MOV10: variants seen among roughly 807,000 people sequenced by gnomAD.
MOV10 encodes the protein Mov10 RNA helicase.
A neutral mutation model predicts 108.4 loss-of-function variants in MOV10; 39 were observed. The observed-to-expected ratio is 0.36, with a 90% confidence interval of 0.28 to 0.47. The LOEUF (loss-of-function observed/expected upper bound fraction) is 0.47, where lower values mean the gene tolerates loss of function less well. Among genes scored for constraint, MOV10 ranks in the 20% least tolerant of loss-of-function variants. The probability of loss-of-function intolerance (pLI) is 1.00; values close to 1 mark genes in which losing one functional copy is unlikely to be tolerated. For synonymous variants in MOV10, 490 were observed against 523.1 expected (o/e 0.94, Z 0.86); for missense variants, 952 against 1,297.6 (o/e 0.73, Z 4.09).
intron 7 of MOV10, 60 bp from the exon 8 acceptor site, chr1:112,693,958 G>T: frequency 1.3e-6 from 2 of 1,561,786 alleles, no homozygotes; most frequent in Non-Finnish European, 1.8e-6. Context: ...GGAACCTGGG[G>T]GCTGGGCCCT....
At chr1:112,691,217 G>A (rs2101362231) in intron 5 of MOV10, among the ~76,000 whole-genome samples, 1 of 152,270 alleles carries the variant, frequency 6.6e-6, no homozygotes, top group South Asian at 2.1e-4. Context: ...CCTGGGAGGC[G>A]GTGGTTGCAG....
chr1:112,677,505 C>A (rs758475517), intron 2 of MOV10, among the ~76,000 whole-genome samples: 8 of 151,996 alleles, frequency 5.3e-5, no homozygotes, highest in Non-Finnish European at 1.2e-4. Flanking sequence ...ATTCTTTATA[C>A]CTTGGGTATA....
chr1:112,687,123 C>A (rs532311292), intron 2 of MOV10: 120 of 437,694 alleles, frequency 2.7e-4, no homozygotes, highest in African/African-American at 2.1e-3. Context: ...TGTTACTACT[C>A]CTACTACTAC....
intron 2 of MOV10, among the ~76,000 whole-genome samples, chr1:112,687,799 G>A (rs1312287848): frequency 2.6e-5 from 4 of 152,108 alleles, no homozygotes; most frequent in Admixed American, 6.5e-5. Context: ...ACCCTACGAG[G>A]TAAGTCTCGC....
chr1:112,680,707 CTT>C lies in MOV10; in HGVS notation c.137+5676_137+5677del, dbSNP rs1258934658. Among the ~76,000 whole-genome samples, 35 of 107,132 alleles carry C rather than the reference CTT, an allele frequency of 3.3e-4. 1 individual carries two copies. The highest frequency in any genetic ancestry group is 9.3e-4 in the African/African-American group (28 of 30,128). The allele number at this position is 107,132 out of a possible 152,430, so 70.3% of individuals were successfully genotyped here. A position where few individuals can be genotyped will look rare whatever the true frequency, so the allele number is the denominator to read the frequency against. The stretch of plus-strand genomic sequence containing the variant: ...TTGGTGATCACCTTTTCATTTATCT[CTT>C]TTTTTTTTTTTTTTTTTAAATCTCT... On this transcript the variant is annotated intron_variant, in intron 2 of 20. Transcript: ENST00000369645.
intron 19 of MOV10, 101 bp downstream of exon 19, chr1:112,700,083 G>T: frequency 1.3e-6 from 2 of 1,584,726 alleles, no homozygotes; most frequent in Non-Finnish European, 1.7e-6. Context: ...TTAATCCTCA[G>T]ATGTGTCCAT....
intron 2 of MOV10, among the ~76,000 whole-genome samples, chr1:112,678,772 T>C (rs1162115513): frequency 6.6e-6 from 1 of 152,008 alleles, no homozygotes; most frequent in East Asian, 1.9e-4. Context: ...TTAATCTTAA[T>C]GGAAATAGGA....
At chr1:112,695,106 A>G (rs1673946774) in intron 10 of MOV10, among the ~76,000 whole-genome samples, 1 of 152,080 alleles carries the variant, frequency 6.6e-6, no homozygotes, top group Non-Finnish European at 1.5e-5. Flanking sequence ...CAGCCTGGAC[A>G]ATATTGCAAG....
chr1:112,695,410 T>C lies in MOV10; in HGVS notation c.1621-6T>C, dbSNP rs1673978646. On this transcript the variant is annotated splice_polypyrimidine_tract_variant and splice_region_variant and intron_variant, in intron 10 of 20. Coordinates refer to ENST00000369645, the MANE Select transcript of MOV10 (RefSeq NM_001321324.2). Reference sequence around the variant, plus strand: ...GCCTCCCACACTGCGCTTATCTGCATCTCAGGTGGTGAAGCACTTGCCCAA... The same window carrying C: ...GCCTCCCACACTGCGCTTATCTGCACCTCAGGTGGTGAAGCACTTGCCCAA... 2.5e-6 allele frequency: 4 copies of C among 1,613,848 alleles called. No homozygotes were observed. The highest frequency in any genetic ancestry group is 2.5e-6 in the Non-Finnish European group (3 of 1,179,826).
At chr1:112,696,926 T>G in intron 14 of MOV10, 80 bp downstream of exon 14, 1 of 1,203,622 alleles carries the variant, frequency 8.3e-7, no homozygotes, top group East Asian at 2.6e-5. Flanking sequence ...GAGTCTGGCT[T>G]GCTGTCAGTC....
At position 112,696,726 on chromosome 1, in the gene MOV10, C is replaced by T; in HGVS notation, c.2078C>T (p.Thr693Ile). ...QLGPVLRSPL[T>I]QKHGLGYSLL... The stretch of plus-strand genomic sequence containing the variant: ...GGGCCTGTGCTGCGTTCCCCACTGA[C>T]CCAGAAGCATGGACTGGGATACTCA... Residue 693 changes from threonine (T) to isoleucine (I), a missense_variant, in exon 14 of 21, where the codon ACC becomes ATC. Transcript: ENST00000369645. 2 of 1,606,888 alleles carry T rather than the reference C, an allele frequency of 1.2e-6. No homozygotes were observed. The highest frequency in any genetic ancestry group is 1.7e-6 in the Non-Finnish European group (2 of 1,176,706).
In MOV10 at chr1:112,691,666, G is replaced by A. The variant is rs374084556; in HGVS notation, c.838G>A (p.Ala280Thr). 9.3e-6 allele frequency: 15 copies of A among 1,613,788 alleles called. No homozygotes were observed. Among genetic ancestry groups the A allele is most frequent in the African/African-American group, 5.3e-5 (4 of 74,888 alleles). ...RIEEGERPDR[A>T]KGYDLELSMA... Reference sequence around the variant, plus strand: ...TGTTTTCTTCCCTCGATTCTGCAGCGCTAAGGGCTATGACCTGGAGTTAAG... The same window carrying A: ...TGTTTTCTTCCCTCGATTCTGCAGCACTAAGGGCTATGACCTGGAGTTAAG... The change falls in exon 6 of 21, where the codon GCT becomes ACT. Residue 280 changes from alanine (A) to threonine (T), a missense_variant and splice_region_variant. Ala to Thr is a moderately conservative substitution (Grantham distance 58). This residue lies in a region of MOV10 where 374 missense variants were observed against 468.6 expected (regional missense o/e 0.80). Transcript: ENST00000369645.
In MOV10 at chr1:112,694,107, C is replaced by A; in HGVS notation, c.1230C>A (p.Pro410=). Residue 410 remains proline (P), a synonymous_variant, in exon 8 of 21, where the codon CCC becomes CCA. Coordinates refer to ENST00000369645, the MANE Select transcript of MOV10 (RefSeq NM_001321324.2). This position sits in a 1 kb window ranked among gnomAD's most constrained non-coding sequence, Gnocchi z 4.1. ...CCTCGGAGACACACCAGGAGGACCC[C>A]ATCACATATAAGGGCTTTGTGCACA... ...LLSSETHQED[P]ITYKGFVHKV... is the part of the protein sequence containing the mutation. The A allele has an allele frequency of 6.2e-7, 1 of 1,614,088 alleles. No homozygotes were observed. Among genetic ancestry groups the A allele is most frequent in the Non-Finnish European group, 8.5e-7 (1 of 1,179,998 alleles).
At chr1:112,692,048 G>A (rs1482414139) in intron 6 of MOV10, among the ~76,000 whole-genome samples, 1 of 152,198 alleles carries the variant, frequency 6.6e-6, no homozygotes, top group Non-Finnish European at 1.5e-5. Flanking sequence ...AACTAAACAG[G>A]TCAGGTGTAA....
At chr1:112,679,908 T>C (rs1003890478) in intron 2 of MOV10, among the ~76,000 whole-genome samples, 6 of 152,244 alleles carry the variant, frequency 3.9e-5, no homozygotes, top group Admixed American at 2.0e-4. Context: ...GCAGAACTTA[T>C]CAAAGTTGTA....
intron 2 of MOV10, among the ~76,000 whole-genome samples, chr1:112,678,914 TG>T (rs1310803881): frequency 6.6e-6 from 1 of 152,078 alleles, no homozygotes; most frequent in Non-Finnish European, 1.5e-5. Flanking sequence ...CTTTGGGACC[TG>T]GCATACACAA....
rs72984596 is a variant in MOV10, at chr1:112,676,562, G to A, written c.137+1513G>A. On this transcript the variant is annotated intron_variant, in intron 2 of 20. Transcript: ENST00000369645. The stretch of plus-strand genomic sequence containing the variant: ...TTCCGAATACAGCAAAAACAGCGGG[G>A]GATTTATGACCAATGAACAGAGTAA... Among the ~76,000 whole-genome samples the A allele has an allele frequency of 2.7e-3, 405 of 152,206 alleles. 2 individuals carry two copies. The highest frequency in any genetic ancestry group is 9.4e-3 in the African/African-American group (390 of 41,518).
upstream of MOV10, chr1:112,674,475 C>T (rs535411670): frequency 6.5e-6 from 1 of 153,530 alleles, no homozygotes; most frequent in Admixed American, 6.5e-5. Flanking sequence ...CAGCCCTGCC[C>T]TTTGCTCTCC....
rs1490954961 is a variant in MOV10, at chr1:112,687,303, G to A, written c.138-1632G>A. The stretch of plus-strand genomic sequence containing the variant: ...CCAGTCTCATTTGCTTGGGGTGAAG[G>A]AGAGGGGCAGAGTTACAGGCAGCAG... On this transcript the variant is annotated intron_variant, in intron 2 of 20. Coordinates refer to ENST00000369645, the MANE Select transcript of MOV10 (RefSeq NM_001321324.2). Among the ~76,000 whole-genome samples the A allele has an allele frequency of 9.8e-5, 15 of 152,292 alleles. No homozygotes were observed. In the South Asian group the frequency reaches 3.1e-3, roughly 32 times the overall value.
Sources: gnomAD v4.1 joint callset for allele counts (sites outside exome capture counted in the v4.1 genomes callset) on GRCh38, gnomAD v4.1.1 for gene constraint, gnomAD v4.1.1 regional missense constraint, Gnocchi (gnomAD v3.1) non-coding constraint, MANE v1.5 for transcripts, NCBI Gene and HGNC (gene_info 2026-07-23, HGNC 2026-07-21) for gene names.